Variants in PTBP3 observed in about 807,000 individuals in gnomAD.
PTBP3 encodes the protein polypyrimidine tract binding protein 3.
A neutral mutation model predicts 58.7 loss-of-function variants in PTBP3; 20 were observed. The ratio of observed to expected loss-of-function variants is 0.34; its 90% confidence interval spans 0.24 to 0.50. PTBP3 has a LOEUF of 0.50. Among genes scored for constraint, PTBP3 ranks in the 20% least tolerant of loss-of-function variants. PTBP3 has a pLI of 0.98. For synonymous variants in PTBP3, 185 were observed against 219.8 expected (o/e 0.84, Z 1.40); for missense variants, 509 against 637.2 (o/e 0.80, Z 2.17).
chr9:112,249,107 G>A lies in PTBP3; in HGVS notation c.802+1822C>T, dbSNP rs145495716. Reference sequence around the variant, plus strand: ...GAATGCTTTAAAAAATTTTTAAGTTGCATTTAGGGATATATAATGAGTGGT... The same window carrying A: ...GAATGCTTTAAAAAATTTTTAAGTTACATTTAGGGATATATAATGAGTGGT... On this transcript the variant is annotated intron_variant, in intron 7 of 13. Coordinates refer to ENST00000374257, the MANE Select transcript of PTBP3 (RefSeq NM_001163788.4). 1.5e-3 allele frequency among the ~76,000 whole-genome samples: 235 copies of A among 152,182 alleles called. 1 individual carries two copies. The highest frequency in any genetic ancestry group is 5.5e-3 in the African/African-American group (229 of 41,514).
chr9:112,295,601 T>TAAA (rs35276003), intron 2 of PTBP3, among the ~76,000 whole-genome samples: 3,536 of 92,350 alleles, frequency 0.038, 163 homozygotes, highest in African/African-American at 0.11. Context: ...GTTCTGTTGG[T>TAAA]AAAAAAAAAA....
the PTBP3 span, among the ~76,000 whole-genome samples, chr9:112,359,101 C>T: frequency 6.6e-6 from 1 of 152,154 alleles, no homozygotes; most frequent in Non-Finnish European, 1.5e-5. Context: ...TCTCAAAGTG[C>T]TGGGATTACA....
chr9:112,322,092 G>A lies in PTBP3; in HGVS notation c.-52+11378C>T, dbSNP rs574917718. 9.0e-5 allele frequency among the ~76,000 whole-genome samples: 11 copies of A among 121,954 alleles called. No individual in the cohort carries two copies. The South Asian group carries it at 3.0e-3, about 33-fold the overall frequency. The allele number at this position is 121,954 out of a possible 152,430, so 80.0% of individuals were successfully genotyped here. On this transcript the variant is annotated intron_variant, in intron 1 of 13. Transcript: ENST00000374257. ...GGAGGCTGCAGTGAGCTGAGATCGT[G>A]CCATTGCACTCCAGCCTAGGAGACA... is the stretch of plus-strand genomic sequence containing the variant.
chr9:112,261,501 C>T (rs922826810), intron 5 of PTBP3, among the ~76,000 whole-genome samples: 2 of 152,172 alleles, frequency 1.3e-5, no homozygotes, highest in Non-Finnish European at 2.9e-5. Context: ...AGCACACACA[C>T]ACCTCTATGA....
At chr9:112,346,525 T>A in the PTBP3 span, among the ~76,000 whole-genome samples, 1 of 152,146 alleles carries the variant, frequency 6.6e-6, no homozygotes, top group African/African-American at 2.4e-5. Flanking sequence ...AAAATGGAAG[T>A]TATTTTCTTC....
Position 112,222,855 on chromosome 9 carries a change from A to C in PTBP3, c.*996T>G. On this transcript the variant is annotated 3_prime_UTR_variant, in exon 14 of 14. Transcript: ENST00000374257. Reference sequence around the variant, plus strand: ...ATTCTGAGTAAGTATTAGAGATTATAGTGGTACAAAAAACCCTTGAGATTA... The same window carrying C: ...ATTCTGAGTAAGTATTAGAGATTATCGTGGTACAAAAAACCCTTGAGATTA... 1 of 893,796 alleles carries C rather than the reference A, an allele frequency of 1.1e-6. No homozygotes were observed. The highest frequency in any genetic ancestry group is 5.2e-5 in the South Asian group (1 of 19,312). 55.4% of individuals were successfully genotyped at this position (893,796 alleles called of 1,614,324 possible). A position where few individuals can be genotyped will look rare whatever the true frequency, so the allele number is the denominator to read the frequency against.
intron 1 of PTBP3, among the ~76,000 whole-genome samples, chr9:112,314,743 G>A (rs1173578196): frequency 6.6e-6 from 1 of 151,658 alleles, no homozygotes; most frequent in Non-Finnish European, 1.5e-5. Context: ...ATTGCGGACA[G>A]AAATTTCAAT....
At chr9:112,333,059 C>T in intron 1 of PTBP3, 2 of 1,264,628 alleles carry the variant, frequency 1.6e-6, no homozygotes, top group Non-Finnish European at 2.0e-6. Context: ...GGCAGGAGGA[C>T]GCCCGCCCCG....
the PTBP3 span, among the ~76,000 whole-genome samples, chr9:112,371,684 G>C: frequency 4.2e-5 from 6 of 143,018 alleles, no homozygotes; most frequent in Non-Finnish European, 6.0e-5. Flanking sequence ...GATCCCACTG[G>C]TGCTCAAGGT....
chr9:112,319,573 G>A (rs1486035425), intron 1 of PTBP3, among the ~76,000 whole-genome samples: 2 of 152,168 alleles, frequency 1.3e-5, no homozygotes, highest in Non-Finnish European at 2.9e-5. Context: ...TACACAGTTG[G>A]TGGGAATGTA....
chr9:112,243,300 G>C (rs1223128734), intron 7 of PTBP3, among the ~76,000 whole-genome samples: 2 of 151,934 alleles, frequency 1.3e-5, no homozygotes, highest in African/African-American at 2.4e-5. Flanking sequence ...CAGTATTTTG[G>C]GGGACCAAGG....
At chr9:112,269,146 G>A (rs528383383) in intron 3 of PTBP3, among the ~76,000 whole-genome samples, 7 of 147,538 alleles carry the variant, frequency 4.7e-5, no homozygotes, top group South Asian at 2.1e-4. Context: ...GCAGTGAGCC[G>A]AGATCGCGCC....
At chr9:112,318,090 T>C (rs1343032841) in intron 1 of PTBP3, among the ~76,000 whole-genome samples, 1 of 152,090 alleles carries the variant, frequency 6.6e-6, no homozygotes, top group African/African-American at 2.4e-5. Flanking sequence ...ATAAGAAATG[T>C]TTCCAACTTA....
the PTBP3 span, among the ~76,000 whole-genome samples, chr9:112,345,945 C>G: frequency 1.3e-5 from 2 of 151,848 alleles, no homozygotes; most frequent in African/African-American, 4.8e-5. Context: ...ACCTCCACCT[C>G]CCAGGTTCAA....
the PTBP3 span, among the ~76,000 whole-genome samples, chr9:112,364,018 C>T: frequency 1.3e-5 from 2 of 152,160 alleles, no homozygotes; most frequent in East Asian, 1.9e-4. Context: ...CACTAACTAC[C>T]GGCAAACACT....
In PTBP3 at chr9:112,261,772, C is replaced by T. The variant is rs535150258; in HGVS notation, c.516+663G>A. ...ATGTAACAACCATTCAAAAACAAAA[C>T]ATGGGAAATTACATCAGGAAGCTTC... On this transcript the variant is annotated intron_variant, in intron 5 of 13. Transcript: ENST00000374257. Among the ~76,000 whole-genome samples, 13 of 152,256 alleles carry T rather than the reference C, an allele frequency of 8.5e-5. No homozygotes were observed. In the East Asian group the frequency reaches 2.5e-3, roughly 29 times the overall value.
In PTBP3 at chr9:112,219,575, T is replaced by G. The variant is rs1021178755; in HGVS notation, c.*4276A>C. The G allele has an allele frequency of 6.6e-6, 1 of 152,636 alleles. No homozygotes were observed. The highest frequency in any genetic ancestry group is 2.4e-5 in the African/African-American group (1 of 41,454). 9.5% of individuals were successfully genotyped at this position (152,636 alleles called of 1,614,324 possible). ...TTTTGAGCAGCTCTATTCTTGGACC[T>G]GCACAATGCTCTACAATGAATATTA... On this transcript the variant is annotated 3_prime_UTR_variant, in exon 14 of 14. Coordinates refer to ENST00000374257, the MANE Select transcript of PTBP3 (RefSeq NM_001163788.4).
At chr9:112,369,413 G>A in the PTBP3 span, among the ~76,000 whole-genome samples, 2 of 152,212 alleles carry the variant, frequency 1.3e-5, no homozygotes, top group African/African-American at 2.4e-5. Context: ...TTGCATCACT[G>A]TGACCTGGAT....
chr9:112,228,119 T>C (rs1186719105), intron 11 of PTBP3, among the ~76,000 whole-genome samples: 2 of 152,184 alleles, frequency 1.3e-5, no homozygotes, highest in Non-Finnish European at 2.9e-5. Flanking sequence ...ATCATGCTTA[T>C]TAAACTTAAC....
Sources: allele counts gnomAD v4.1 joint callset (sites outside exome capture counted in the v4.1 genomes callset), GRCh38; gene constraint gnomAD v4.1.1; transcripts MANE v1.5; gene names NCBI Gene and HGNC (gene_info 2026-07-23, HGNC 2026-07-21).